MYO7A: variants seen among roughly 807,000 people sequenced by gnomAD.
MYO7A encodes the protein myosin VIIA, also known as unconventional myosin-VIIa.
MYO7A carries 210 observed loss-of-function variants against 263.8 expected under a neutral mutation model. That is an observed-to-expected ratio of 0.80 (90% CI 0.71 to 0.89). The LOEUF is 0.89. MYO7A is among the 40% of genes least tolerant of loss of function. The probability of loss-of-function intolerance (pLI) is 0.00; values close to 1 mark genes in which losing one functional copy is unlikely to be tolerated. For synonymous variants in MYO7A, 1,239 were observed against 1,197.3 expected (o/e 1.03, Z -0.72); for missense variants, 2,820 against 2,968.3 (o/e 0.95, Z 1.16).
At chr11:77,153,896 A>G (rs113740428) in intron 4 of MYO7A, among the ~76,000 whole-genome samples, 2,343 of 152,282 alleles carry the variant, frequency 0.015, 54 homozygotes, top group African/African-American at 0.054. Context: ...GAATGGCTGC[A>G]TGGCATCAGC....
intron 31 of MYO7A, 32 bp from the exon 32 acceptor site, chr11:77,194,322 C>A: frequency 6.3e-7 from 1 of 1,599,456 alleles, no homozygotes; most frequent in South Asian, 1.1e-5. Context: ...GGGGCCTGGG[C>A]CAATGCATGA....
At position 77,189,435 on chromosome 11, in the gene MYO7A, G is replaced by T. The variant is rs782151104; in HGVS notation, c.3595G>T (p.Val1199Leu). The change falls in exon 28 of 49, where the codon GTG becomes TTG. Residue 1199 changes from valine to leucine, a missense_variant. Transcript: ENST00000409709. ...ARGWILVSLCVGCFAPSEKFV... is the reference protein window; with the variant it reads ...ARGWILVSLCLGCFAPSEKFV... ...GGGCTGGATTCTCGTGTCTCTCTGC[G>T]TGGGCTGTTTCGCCCCCTCCGAGAA... 1.2e-6 allele frequency: 2 copies of T among 1,613,782 alleles called. No individual in the cohort carries two copies. Among genetic ancestry groups the T allele is most frequent in the Non-Finnish European group, 1.7e-6 (2 of 1,179,902 alleles).
Position 77,190,562 on chromosome 11 carries a change from C to G in MYO7A, c.3751-135C>G, listed in dbSNP as rs1018572295. The G allele has an allele frequency of 6.6e-6, 3 of 453,348 alleles. No homozygotes were observed. In the African/African-American group the frequency reaches 1.1e-4, roughly 16 times the overall value. 28.1% of individuals were successfully genotyped at this position (453,348 alleles called of 1,614,324 possible). A position where few individuals can be genotyped will look rare whatever the true frequency, so the allele number is the denominator to read the frequency against. On this transcript the variant is annotated intron_variant, in intron 29 of 48. Transcript: ENST00000409709. ...CCTGGACACCTGTGACAGGGACAAG[C>G]AGTGTCCCAGTGAGGTACTGGGGCC...
chr11:77,213,020 C>T lies in MYO7A; in HGVS notation c.6423C>T (p.Ile2141=), dbSNP rs1462700871. 5.1e-6 allele frequency: 8 copies of T among 1,581,266 alleles called. No individual in the cohort carries two copies. Among genetic ancestry groups the T allele is most frequent in the Admixed American group, 3.6e-5 (2 of 55,300 alleles). The change falls in exon 47 of 49, where the codon ATC becomes ATT. Residue 2141 remains isoleucine, a synonymous_variant. Transcript: ENST00000409709. The stretch of plus-strand genomic sequence containing the variant: ...TCAACAAGTATGGGGTCAGCCTCAT[C>T]GATCCCAAAACGAAGGTGAGCAGGG... The part of the protein sequence containing the change: ...IAINKYGVSL[I]DPKTKDILTT...
At chr11:77,160,111 T>C in intron 10 of MYO7A, 52 bp from the exon 11 acceptor site, 1 of 1,533,774 alleles carries the variant, frequency 6.5e-7, no homozygotes, top group Non-Finnish European at 8.8e-7. Flanking sequence ...CGGGTGTGGG[T>C]GGAGGGAGGG....
chr11:77,134,144 T>C (rs1347521528), intron 2 of MYO7A, among the ~76,000 whole-genome samples: 1 of 152,182 alleles, frequency 6.6e-6, no homozygotes, highest in African/African-American at 2.4e-5. Flanking sequence ...CTGGTCAGGC[T>C]GGTCTCAAAC....
chr11:77,205,227 G>A (rs2086229888), intron 39 of MYO7A, among the ~76,000 whole-genome samples: 1 of 152,220 alleles, frequency 6.6e-6, no homozygotes, highest in Admixed American at 6.5e-5. Context: ...TGGTAGCAGT[G>A]TGTGGCCTGG....
In MYO7A at chr11:77,199,743, C is replaced by G. The variant is rs765652090; in HGVS notation, c.4777C>G (p.Leu1593Val). ...CAGCAATGCTGAGGACATTCGTGAC[C>G]TGGTGGTCACCTTCCTAGAGGGGCT... The part of the protein sequence containing the change: ...TSSNAEDIRD[L>V]VVTFLEGLRK... The change falls in exon 35 of 49, where the codon CTG (leucine) becomes GTG (valine). Residue 1593 changes from leucine to valine, a missense_variant. Transcript: ENST00000409709. The G allele has an allele frequency of 1.2e-6, 2 of 1,613,422 alleles. No individual in the cohort carries two copies. Among genetic ancestry groups the G allele is most frequent in the Admixed American group, 3.3e-5 (2 of 59,976 alleles).
intron 1 of MYO7A, 85 bp from the exon 2 acceptor site, chr11:77,130,504 G>C: frequency 9.8e-7 from 1 of 1,019,474 alleles, no homozygotes; most frequent in South Asian, 1.5e-5. Context: ...CTGGGGCTTT[G>C]GGAGGAGCCC....
intron 35 of MYO7A, among the ~76,000 whole-genome samples, chr11:77,200,780 C>A (rs549843150): frequency 6.6e-6 from 1 of 152,312 alleles, no homozygotes; most frequent in South Asian, 2.1e-4. Flanking sequence ...CCTGTCAGCT[C>A]TCCAAGTTAG....
intron 2 of MYO7A, among the ~76,000 whole-genome samples, chr11:77,140,290 T>C (rs781887785): frequency 1.2e-4 from 19 of 152,140 alleles, no homozygotes; most frequent in Non-Finnish European, 2.8e-4. Flanking sequence ...CCTTGAGCCA[T>C]CTGGGCGGGG....
chr11:77,203,052 T>C lies in MYO7A; in HGVS notation c.5169-8T>C. On this transcript the variant is annotated splice_region_variant and splice_polypyrimidine_tract_variant and intron_variant, in intron 37 of 48. Transcript: ENST00000409709. ...GGGGCGTTGCTGACGGTCCCTGTGC[T>C]GCGGCAGGCCCCCACCCAAGCACAC... 1.3e-6 allele frequency: 2 copies of C among 1,547,640 alleles called. No individual in the cohort carries two copies. Among genetic ancestry groups the C allele is most frequent in the African/African-American group, 1.4e-5 (1 of 73,080 alleles).
intron 15 of MYO7A, among the ~76,000 whole-genome samples, chr11:77,169,065 G>C (rs782567845): frequency 1.3e-5 from 2 of 152,228 alleles, no homozygotes; most frequent in Non-Finnish European, 2.9e-5. Flanking sequence ...AAACACGATG[G>C]CTTTTTAAAA....
intron 20 of MYO7A, 54 bp downstream of exon 20, chr11:77,179,183 G>A (rs1954940363): frequency 1.3e-6 from 2 of 1,498,436 alleles, no homozygotes; most frequent in Admixed American, 1.9e-5. Context: ...ACCCAGCCTT[G>A]CTGCCATGGC....
chr11:77,178,837 T>C lies in MYO7A; in HGVS notation c.2283-208T>C, dbSNP rs372117444. Among the ~76,000 whole-genome samples the C allele has an allele frequency of 2.1e-4, 32 of 152,366 alleles. No individual in the cohort carries two copies. In the East Asian group the frequency reaches 5.2e-3, roughly 25 times the overall value. ...GAATGTCTACCTTCATGGGCTTATG[T>C]GACAGGCCTGTGGGGCAGGCAGGGC... On this transcript the variant is annotated intron_variant, in intron 19 of 48. Transcript: ENST00000409709.
intron 17 of MYO7A, 48 bp from the exon 18 acceptor site, chr11:77,175,324 C>G: frequency 6.4e-7 from 1 of 1,573,590 alleles, no homozygotes. Flanking sequence ...GGAGGCCTTC[C>G]CACTGGAGAG....
intron 15 of MYO7A, among the ~76,000 whole-genome samples, chr11:77,166,565 C>T (rs1953569647): frequency 6.6e-6 from 1 of 152,166 alleles, no homozygotes. Flanking sequence ...TCTGTGCCAG[C>T]CCCAGACCCC....
At position 77,214,030 on chromosome 11, in the gene MYO7A, G is replaced by T. The variant is rs948959; in HGVS notation, c.6558+51G>T. ...GTGGGCTCCCTGCCTTGCCTGCAGC[G>T]TAGCCAGCCTCCCAGGGCCTGGAAC... On this transcript the variant is annotated intron_variant, in intron 48 of 48. Coordinates refer to ENST00000409709, the MANE Select transcript of MYO7A (RefSeq NM_000260.4). 0.95 allele frequency: 1,532,907 copies of T among 1,611,614 alleles called. 730,763 individuals are homozygous for T. Among genetic ancestry groups the T allele is most frequent in the Non-Finnish European group, 0.97 (1,143,943 of 1,178,536 alleles).
At chr11:77,202,559 G>T in intron 37 of MYO7A, 135 bp downstream of exon 37, 1 of 1,216,032 alleles carries the variant, frequency 8.2e-7, no homozygotes, top group South Asian at 1.6e-5. Context: ...GAGCTGGAGG[G>T]CTGTTTCTGT....
Sources: gnomAD v4.1 joint callset for allele counts (sites outside exome capture counted in the v4.1 genomes callset) on GRCh38, gnomAD v4.1.1 for gene constraint, MANE v1.5 for transcripts, NCBI Gene and HGNC (gene_info 2026-07-23, HGNC 2026-07-21) for gene names.